LEKR1: variants seen among roughly 807,000 people sequenced by gnomAD.
LEKR1 encodes protein LEKR1.
Under a neutral mutation model 72.4 loss-of-function variants are expected in LEKR1, and 59 were observed. The observed-to-expected ratio is 0.82, with a 90% confidence interval of 0.66 to 1.01. LEKR1 has a LOEUF of 1.01. Among genes scored for constraint, LEKR1 ranks in the 50% least tolerant of loss-of-function variants. The probability of loss-of-function intolerance (pLI) is 0.00; values close to 1 mark genes in which losing one functional copy is unlikely to be tolerated. For missense variants in LEKR1, 728 were observed against 759.2 expected (o/e 0.96, Z 0.48); for synonymous variants, 257 against 263.2 (o/e 0.98, Z 0.23).
chr3:156,932,621 G>A (rs1431495385), intron 5 of LEKR1, among the ~76,000 whole-genome samples: 2 of 148,182 alleles, frequency 1.3e-5, no homozygotes, highest in Non-Finnish European at 3.0e-5. Flanking sequence ...GCTGAGGCAT[G>A]AGAATTGCTT....
intron 2 of LEKR1, among the ~76,000 whole-genome samples, chr3:156,850,819 A>AGGAAAG (rs543657381): frequency 0.032 from 4,844 of 152,264 alleles, 118 homozygotes; most frequent in Non-Finnish European, 0.048. Flanking sequence ...CAGGGCTGCT[A>AGGAAAG]TGGATTCTCT....
chr3:156,964,899 A>G (rs938423014), intron 6 of LEKR1, among the ~76,000 whole-genome samples: 1 of 152,200 alleles, frequency 6.6e-6, no homozygotes, highest in African/African-American at 2.4e-5. Flanking sequence ...CTTTATTATT[A>G]ACCCTACGTC....
chr3:157,037,034 A>G (rs1239377883), intron 12 of LEKR1, among the ~76,000 whole-genome samples: 1 of 152,204 alleles, frequency 6.6e-6, no homozygotes, highest in Non-Finnish European at 1.5e-5. Flanking sequence ...AAAGATGAAT[A>G]TAGATTAAGC....
chr3:156,888,257 A>C (rs1032646110), intron 3 of LEKR1: 10 of 693,966 alleles, frequency 1.4e-5, no homozygotes, highest in Middle Eastern at 2.3e-4. Context: ...GGAAATGCAC[A>C]GTTGATATAA....
At position 157,020,907 on chromosome 3, in the gene LEKR1, G is replaced by A. The variant is rs867620490; in HGVS notation, c.1204-3853G>A. Among the ~76,000 whole-genome samples the A allele has an allele frequency of 2.0e-5, 3 of 146,562 alleles. No homozygotes were observed. In the Admixed American group the frequency reaches 2.1e-4, roughly 10 times the overall value. ...TACAGTCCCACCAACAGTGTAAAAG[G>A]GTTCCTATTTCTCCACATCCTCTCC... On this transcript the variant is annotated intron_variant, in intron 10 of 12. Coordinates refer to ENST00000356539, the MANE Select transcript of LEKR1 (RefSeq NM_001004316.3).
intron 3 of LEKR1, among the ~76,000 whole-genome samples, chr3:156,861,419 T>C (rs1480581480): frequency 1.3e-5 from 2 of 152,152 alleles, no homozygotes; most frequent in Non-Finnish European, 2.9e-5. Context: ...AAAGAACTGA[T>C]GCAGAACTGT....
intron 3 of LEKR1, among the ~76,000 whole-genome samples, chr3:156,887,371 G>C (rs778445921): frequency 7.2e-5 from 11 of 152,032 alleles, no homozygotes; most frequent in African/African-American, 1.2e-4. Context: ...GTAAAGCCTA[G>C]GCTTGGAGCC....
At chr3:157,018,339 A>G (rs1272824224) in intron 10 of LEKR1, among the ~76,000 whole-genome samples, 3 of 152,186 alleles carry the variant, frequency 2.0e-5, no homozygotes, top group Non-Finnish European at 4.4e-5. Flanking sequence ...CCTAAATTAT[A>G]TTTATAGAAT....
intron 9 of LEKR1, among the ~76,000 whole-genome samples, chr3:156,994,665 A>C (rs1299026822): frequency 6.6e-6 from 1 of 152,226 alleles, no homozygotes; most frequent in African/African-American, 2.4e-5. Flanking sequence ...GATAAAACCT[A>C]TATATGCTAA....
At chr3:157,020,548 G>A (rs1306324957) in intron 10 of LEKR1, among the ~76,000 whole-genome samples, 3 of 149,346 alleles carry the variant, frequency 2.0e-5, no homozygotes, top group Admixed American at 6.7e-5. Flanking sequence ...TTGTCCTTGC[G>A]ATAGTTTACT....
At chr3:156,866,356 T>C (rs956196810) in intron 3 of LEKR1, among the ~76,000 whole-genome samples, 2 of 152,048 alleles carry the variant, frequency 1.3e-5, no homozygotes, top group African/African-American at 4.8e-5. Flanking sequence ...CTCTTTCCTT[T>C]GTTTCTTCCT....
At chr3:156,847,021 G>C (rs1024766225) in intron 2 of LEKR1, among the ~76,000 whole-genome samples, 1 of 151,980 alleles carries the variant, frequency 6.6e-6, no homozygotes, top group Non-Finnish European at 1.5e-5. Flanking sequence ...TCACCGTGTT[G>C]TCCAGGCTCA....
At chr3:157,008,204 CT>C (rs1387314828) in intron 9 of LEKR1, among the ~76,000 whole-genome samples, 1 of 152,174 alleles carries the variant, frequency 6.6e-6, no homozygotes, top group East Asian at 1.9e-4. Context: ...AACAGTGACT[CT>C]CCCTTCCTAG....
intron 5 of LEKR1, 76 bp downstream of exon 5, chr3:156,927,680 T>A: frequency 1.9e-6 from 1 of 537,844 alleles, no homozygotes; most frequent in Non-Finnish European, 2.8e-6. Context: ...ATAATGATAT[T>A]TCATTTTATT....
intron 2 of LEKR1, among the ~76,000 whole-genome samples, chr3:156,846,450 GT>G (rs111289447): frequency 0.035 from 5,027 of 144,946 alleles, 118 homozygotes; most frequent in Non-Finnish European, 0.05. Context: ...AAGCTGTAGG[GT>G]TTTTTTTTTT....
chr3:157,017,948 C>CAAAAAAAA lies in LEKR1; in HGVS notation c.1203+6459_1203+6466dup, dbSNP rs58950224. 5.1e-3 allele frequency among the ~76,000 whole-genome samples: 421 copies of CAAAAAAAA among 82,824 alleles called. 11 individuals carry two copies. Among genetic ancestry groups the CAAAAAAAA allele is most frequent in the East Asian group, 0.021 (85 of 3,978 alleles). 54.3% of individuals were successfully genotyped at this position (82,824 alleles called of 152,430 possible). ...TGGGCCACAGAGCGAGACTCTGTCT[C>CAAAAAAAA]AAAAAAAAAAAAAAAAAAAAAAAAG... On this transcript the variant is annotated intron_variant, in intron 10 of 12. Transcript: ENST00000356539.
intron 7 of LEKR1, among the ~76,000 whole-genome samples, chr3:156,985,261 GA>G (rs1433505616): frequency 6.6e-6 from 1 of 152,206 alleles, no homozygotes; most frequent in Non-Finnish European, 1.5e-5. Flanking sequence ...GAGTAGTGGA[GA>G]GGGGTGGTAT....
chr3:156,932,890 C>T (rs1288617206), intron 5 of LEKR1, among the ~76,000 whole-genome samples: 8 of 150,832 alleles, frequency 5.3e-5, no homozygotes, highest in South Asian at 4.2e-4. Context: ...ATTAGCCAGG[C>T]GTGGTGGCGG....
intron 6 of LEKR1, among the ~76,000 whole-genome samples, chr3:156,972,350 G>A (rs759590611): frequency 2.6e-5 from 4 of 151,776 alleles, no homozygotes; most frequent in Admixed American, 6.6e-5. Context: ...TTATGGGGTC[G>A]GAGGAGGGGG....
Sources: allele counts gnomAD v4.1 joint callset (sites outside exome capture counted in the v4.1 genomes callset), GRCh38; gene constraint gnomAD v4.1.1; transcripts MANE v1.5; gene names NCBI Gene and HGNC (gene_info 2026-07-23, HGNC 2026-07-21).